Variants in GRM1 observed in about 807,000 individuals in gnomAD.
GRM1 encodes the protein metabotropic glutamate receptor 1.
GRM1 carries 33 observed loss-of-function variants against 90.9 expected under a neutral mutation model. The observed-to-expected ratio is 0.36, with a 90% CI of 0.28 to 0.49. GRM1 has a LOEUF of 0.49. Ranked by LOEUF, GRM1 falls within the 20% of genes least tolerant of loss-of-function variation. The pLI is 0.99. For synonymous variants in GRM1, 700 were observed against 613.2 expected (o/e 1.14, Z -2.09); for missense variants, 1,190 against 1,534.3 (o/e 0.78, Z 3.75).
intron 2 of GRM1, among the ~76,000 whole-genome samples, chr6:146,253,675 C>T (rs1781379976): frequency 6.6e-6 from 1 of 152,090 alleles, no homozygotes; most frequent in Non-Finnish European, 1.5e-5. Flanking sequence ...ATCTGAAGAC[C>T]TTGTGTAAAA....
chr6:146,370,779 G>A (rs1775868250), intron 5 of GRM1, among the ~76,000 whole-genome samples: 1 of 151,732 alleles, frequency 6.6e-6, no homozygotes, highest in South Asian at 2.1e-4. Context: ...AAGGTATTGG[G>A]TCCATCTACA....
intron 2 of GRM1, among the ~76,000 whole-genome samples, chr6:146,269,602 G>A (rs970044335): frequency 1.2e-4 from 19 of 152,192 alleles, no homozygotes; most frequent in African/African-American, 4.3e-4. Context: ...GAGGTGAGTG[G>A]CAGTGGTGAG....
At chr6:146,260,804 GTTTTTTTTTTTTTTTTTTT>G (rs56956724) in intron 2 of GRM1, among the ~76,000 whole-genome samples, 3 of 22,714 alleles carry the variant, frequency 1.3e-4, no homozygotes, top group South Asian at 1.3e-3. Context: ...GGTTATTTGG[GTTTTTTTTTTTTTTTTTTT>G]TTTTTTTTTT....
intron 1 of GRM1, among the ~76,000 whole-genome samples, chr6:146,085,664 A>G (rs1363203693): frequency 1.3e-5 from 2 of 152,152 alleles, no homozygotes; most frequent in Non-Finnish European, 2.9e-5. Flanking sequence ...TATATTTCAT[A>G]AAAAGAGGAG....
chr6:146,168,232 A>G (rs1402058298), intron 2 of GRM1, among the ~76,000 whole-genome samples: 1 of 151,894 alleles, frequency 6.6e-6, no homozygotes, highest in Non-Finnish European at 1.5e-5. Flanking sequence ...TTTTATCTCT[A>G]TTTTTGGCTT....
At chr6:146,075,785 C>T (rs1776163980) in intron 1 of GRM1, among the ~76,000 whole-genome samples, 1 of 152,138 alleles carries the variant, frequency 6.6e-6, no homozygotes, top group Non-Finnish European at 1.5e-5. Flanking sequence ...ATTGACATTC[C>T]TTGGCTTGTA....
chr6:146,356,516 A>G (rs1785590171), intron 4 of GRM1, among the ~76,000 whole-genome samples: 1 of 152,162 alleles, frequency 6.6e-6, no homozygotes. Flanking sequence ...CCTTCCTCCT[A>G]ATACCATCAC....
chr6:146,398,084 C>G (rs1264417907), intron 6 of GRM1, among the ~76,000 whole-genome samples: 3 of 152,168 alleles, frequency 2.0e-5, no homozygotes, highest in African/African-American at 2.4e-5. Context: ...AAATTCTAGT[C>G]TTTCCTTTCA....
chr6:146,411,868 A>T (rs986223935), intron 7 of GRM1, among the ~76,000 whole-genome samples: 2 of 152,218 alleles, frequency 1.3e-5, no homozygotes, highest in South Asian at 2.1e-4. Flanking sequence ...GTATAAACAT[A>T]CTAAAACATG....
chr6:146,194,321 T>G (rs1480515374), intron 2 of GRM1, among the ~76,000 whole-genome samples: 1 of 152,154 alleles, frequency 6.6e-6, no homozygotes, highest in East Asian at 1.9e-4. Context: ...TGACACAAGC[T>G]ACCTCTCTTT....
chr6:146,137,650 T>C (rs1776674598), intron 1 of GRM1, among the ~76,000 whole-genome samples: 1 of 152,222 alleles, frequency 6.6e-6, no homozygotes, highest in Admixed American at 6.5e-5. Context: ...GGGTCTTATC[T>C]GGTTCCATAA....
intron 2 of GRM1, among the ~76,000 whole-genome samples, chr6:146,299,295 C>T (rs758413332): frequency 3.9e-5 from 6 of 152,092 alleles, no homozygotes; most frequent in African/African-American, 9.7e-5. Flanking sequence ...TTTCTCCTTC[C>T]ATCCACATAT....
chr6:146,373,464 G>A (rs373104284), intron 5 of GRM1, among the ~76,000 whole-genome samples: 2 of 152,152 alleles, frequency 1.3e-5, no homozygotes, highest in Admixed American at 6.6e-5. Context: ...GAACTCTATC[G>A]TGAGACAGCA....
intron 7 of GRM1, among the ~76,000 whole-genome samples, chr6:146,411,049 T>A (rs1285987864): frequency 6.6e-6 from 1 of 152,194 alleles, no homozygotes; most frequent in Non-Finnish European, 1.5e-5. Context: ...CTGGGACAAC[T>A]GCAGTGGTGA....
chr6:146,236,144 A>G (rs757577577), intron 2 of GRM1, among the ~76,000 whole-genome samples: 1 of 152,278 alleles, frequency 6.6e-6, no homozygotes, highest in Non-Finnish European at 1.5e-5. Context: ...TAATAGAAAT[A>G]TAATACATGG....
At position 146,097,481 on chromosome 6, in the gene GRM1, A is replaced by G. The variant is rs1776910359; in HGVS notation, c.701-61867A>G. ...AAATTTGTTAAATAGAATTTCATAA[A>G]TAATTCTGGAATGCATTTGCAAAAC... On this transcript the variant is annotated intron_variant, in intron 1 of 7. Coordinates refer to ENST00000282753, the MANE Select transcript of GRM1 (RefSeq NM_001278064.2). 2.0e-5 allele frequency among the ~76,000 whole-genome samples: 3 copies of G among 152,320 alleles called. No individual in the cohort carries two copies. In the South Asian group the frequency reaches 6.2e-4, roughly 32 times the overall value.
chr6:146,366,906 A>G (rs934196620), intron 5 of GRM1, among the ~76,000 whole-genome samples: 2 of 152,100 alleles, frequency 1.3e-5, no homozygotes, highest in African/African-American at 2.4e-5. Flanking sequence ...TTAGCTTGAT[A>G]TAATCTCATT....
At position 146,387,024 on chromosome 6, in the gene GRM1, C is replaced by A. The variant is rs1776533550; in HGVS notation, c.1729+8C>A. 6.2e-7 allele frequency: 1 copy of A among 1,612,740 alleles called. No homozygotes were observed. Among genetic ancestry groups the A allele is most frequent in the Non-Finnish European group, 8.5e-7 (1 of 1,178,934 alleles). ...CCAATGCAGATCTAACAGGTAGGAA[C>A]TGCCTCACTTGGAAACCTTGTGCCT... On this transcript the variant is annotated splice_region_variant and intron_variant, in intron 6 of 7. Transcript: ENST00000282753.
intron 1 of GRM1, among the ~76,000 whole-genome samples, chr6:146,140,859 T>G (rs551036426): frequency 2.0e-5 from 3 of 152,236 alleles, no homozygotes; most frequent in Non-Finnish European, 2.9e-5. Context: ...GTTATTAATT[T>G]TGATTAGTTC....
Sources: allele counts gnomAD v4.1 joint callset (sites outside exome capture counted in the v4.1 genomes callset), GRCh38; gene constraint gnomAD v4.1.1; transcripts MANE v1.5; gene names NCBI Gene and HGNC (gene_info 2026-07-23, HGNC 2026-07-21).